The following HGSNAT variants were observed in gnomAD, a reference collection of about 807,000 sequenced individuals.
The protein encoded by HGSNAT is transmembrane protein 76.
A neutral mutation model predicts 85.2 loss-of-function variants in HGSNAT; 59 were observed. The ratio of observed to expected loss-of-function variants is 0.69; its 90% CI spans 0.56 to 0.86. The LOEUF (loss-of-function observed/expected upper bound fraction) is 0.86. Ranked by LOEUF, HGSNAT falls within the 40% of genes least tolerant of loss-of-function variation. The probability of loss-of-function intolerance (pLI) is 0.00; values close to 1 mark genes in which losing one functional copy is unlikely to be tolerated. For missense variants in HGSNAT, 756 were observed against 777.1 expected, an observed-to-expected ratio of 0.97 and a Z score of 0.32; for synonymous variants, 321 against 304.5, an observed-to-expected ratio of 1.05 and a Z score of -0.56.
At chr8:43,140,910 C>T (rs1802503605) in intron 1 of HGSNAT, among the ~76,000 whole-genome samples, 1 of 152,308 alleles carries the variant, frequency 6.6e-6, no homozygotes, top group South Asian at 2.1e-4. Context: ...CTGGCGCCTT[C>T]CGTCTAAACA....
At chr8:43,173,627 A>G in intron 8 of HGSNAT, 86 bp from the exon 9 acceptor site, 8 of 1,387,694 alleles carry the variant, frequency 5.8e-6, no homozygotes, top group Non-Finnish European at 8.1e-6. Context: ...TACTTTCTAT[A>G]CCAGTGTGTA....
intron 14 of HGSNAT, chr8:43,196,656 C>T (rs1804737620): frequency 5.6e-6 from 4 of 709,628 alleles, no homozygotes; most frequent in Admixed American, 4.7e-5. Flanking sequence ...CCATTCTGCT[C>T]AGGAGCCTCT....
rs986060245 is a variant in HGSNAT, at chr8:43,202,673, G to A, written c.*3104G>A. ...ATACTGCCGCTGTAGATCATAAAAT[G>A]TATCTTTTCCATGGCCAACAAGGGG... On this transcript the variant is annotated 3_prime_UTR_variant, in exon 18 of 18. Transcript: ENST00000379644. 2.6e-5 allele frequency: 4 copies of A among 152,252 alleles called. No homozygotes were observed. The highest frequency in any genetic ancestry group is 3.9e-4 in the East Asian group (2 of 5,188). 9.4% of individuals were successfully genotyped at this position (152,252 alleles called of 1,614,324 possible). A position where few individuals can be genotyped will look rare whatever the true frequency, so the allele number is the denominator to read the frequency against.
intron 2 of HGSNAT, among the ~76,000 whole-genome samples, chr8:43,156,428 C>A (rs1185788114): frequency 6.6e-6 from 1 of 152,110 alleles, no homozygotes; most frequent in East Asian, 1.9e-4. Context: ...GCCTCAGCCT[C>A]CCACGTAACT....
intron 4 of HGSNAT, among the ~76,000 whole-genome samples, chr8:43,161,011 T>G (rs1220812104): frequency 6.6e-6 from 1 of 152,228 alleles, no homozygotes; most frequent in Non-Finnish European, 1.5e-5. Flanking sequence ...TCTCAGTGCC[T>G]TGTGTGAGGA....
At chr8:43,152,106 C>T (rs1802940378) in intron 2 of HGSNAT, among the ~76,000 whole-genome samples, 1 of 152,176 alleles carries the variant, frequency 6.6e-6, no homozygotes, top group African/African-American at 2.4e-5. Flanking sequence ...GCCTGACCAA[C>T]ATGGTGAAAC....
rs573637929 is a variant in HGSNAT, at chr8:43,150,244, C to T, written c.234+3181C>T. On this transcript the variant is annotated intron_variant, in intron 2 of 17. Coordinates refer to ENST00000379644, the MANE Select transcript of HGSNAT (RefSeq NM_152419.3). ...CTGGGATTACCGACGTGAGCCACCG[C>T]GCCTGGCCAACATTTAGTTTTTTAT... is the stretch of plus-strand genomic sequence containing the variant. Among the ~76,000 whole-genome samples the T allele has an allele frequency of 1.4e-4, 22 of 152,146 alleles. No homozygotes were observed. The South Asian group carries it at 3.1e-3, about 22-fold the overall frequency.
In HGSNAT at chr8:43,184,833, T is replaced by C. The variant is rs181670609; in HGVS notation, c.1128+2573T>C. On this transcript the variant is annotated intron_variant, in intron 11 of 17. Transcript: ENST00000379644. ...TTTGTATAAGGTGTAAGGAAGCGAT[T>C]CAGTTTCAGCTTTCTACATATGGCT... 5.6e-3 allele frequency among the ~76,000 whole-genome samples: 851 copies of C among 152,292 alleles called. 12 individuals are homozygous for C. The highest frequency in any genetic ancestry group is 0.02 in the African/African-American group (817 of 41,566).
rs1801394530 is a variant in HGSNAT at position 43,170,596 on chromosome 8, T to G, written c.645T>G (p.Ser215=). The G allele has an allele frequency of 6.2e-7, 1 of 1,607,348 alleles. No individual in the cohort carries two copies. The highest frequency in any genetic ancestry group is 1.3e-5 in the African/African-American group (1 of 74,844). ...CTTTTTTTCTGAAGGAGCTGGGATC[T>G]CCCAGCAGGACAGACCCTCTCGATG... ...TDRLINSELG[S]PSRTDPLDGD... Residue 215 remains serine (S), a synonymous_variant, in exon 7 of 18, where the codon TCT becomes TCG. Transcript: ENST00000379644.
chr8:43,150,328 TA>T (rs1273278088), intron 2 of HGSNAT, among the ~76,000 whole-genome samples: 3 of 151,998 alleles, frequency 2.0e-5, no homozygotes, highest in Admixed American at 6.6e-5. Flanking sequence ...AAAATATTGC[TA>T]AAAAAAGAAG....
chr8:43,149,417 G>C (rs888946796), intron 2 of HGSNAT, among the ~76,000 whole-genome samples: 23 of 152,132 alleles, frequency 1.5e-4, no homozygotes, highest in Non-Finnish European at 2.9e-4. Context: ...TAAAATTTTA[G>C]GCCGGGCGCG....
At chr8:43,197,991 A>T in intron 17 of HGSNAT, 39 bp downstream of exon 17, 11 of 1,447,690 alleles carry the variant, frequency 7.6e-6, no homozygotes, top group Non-Finnish European at 1.1e-5. Context: ...TGGGATGGTG[A>T]CCAGGAGGCA....
At chr8:43,162,782 C>T (rs985328252) in intron 5 of HGSNAT, among the ~76,000 whole-genome samples, 1 of 151,678 alleles carries the variant, frequency 6.6e-6, no homozygotes, top group Admixed American at 6.6e-5. Flanking sequence ...GTTGCCCAGG[C>T]TGGTCTTGAA....
Position 43,197,785 on chromosome 8 carries a change from C to T in HGSNAT, c.1613+43C>T, listed in dbSNP as rs749754366. 9 of 1,598,518 alleles carry T rather than the reference C, an allele frequency of 5.6e-6. No homozygotes were observed. In the South Asian group the frequency reaches 8.8e-5, roughly 16 times the overall value. ...ATGATTTTATGGATGACTGTTCATG[C>T]TGAAATTGGATTTGTTCCGTACGAG... On this transcript the variant is annotated intron_variant, in intron 16 of 17. Coordinates refer to ENST00000379644, the MANE Select transcript of HGSNAT (RefSeq NM_152419.3).
chr8:43,149,213 A>G (rs1358537265), intron 2 of HGSNAT, among the ~76,000 whole-genome samples: 1 of 152,124 alleles, frequency 6.6e-6, no homozygotes, highest in Non-Finnish European at 1.5e-5. Flanking sequence ...GAGCATGGAG[A>G]TAATTATGTC....
chr8:43,176,550 A>C (rs1418480083), intron 9 of HGSNAT, among the ~76,000 whole-genome samples: 2 of 152,110 alleles, frequency 1.3e-5, no homozygotes, highest in Admixed American at 1.3e-4. Flanking sequence ...GTTCCATATA[A>C]ATTTCAGCAT....
chr8:43,155,092 T>C (rs1355528040), intron 2 of HGSNAT, among the ~76,000 whole-genome samples: 1 of 152,212 alleles, frequency 6.6e-6, no homozygotes, highest in African/African-American at 2.4e-5. Context: ...TTTGGATCTA[T>C]ACCCAGTAGT....
rs1477599224 is a variant in HGSNAT at position 43,193,834 on chromosome 8, A to G, written c.1455A>G (p.Leu485=). Reference sequence around the variant, plus strand: ...TCAACTCCATCGTGATGGCCTTTTTAGGAGTTCAGGTATTTGTTCATTTCA... The same window carrying G: ...TCAACTCCATCGTGATGGCCTTTTTGGGAGTTCAGGTATTTGTTCATTTCA... ...GTINSIVMAF[L]GVQAGKILLY... is the part of the protein sequence containing the mutation. The change falls in exon 14 of 18, where the codon TTA becomes TTG. Residue 485 remains leucine (L), a synonymous_variant. Transcript: ENST00000379644. The G allele has an allele frequency of 1.2e-6, 2 of 1,613,548 alleles. No homozygotes were observed. Among genetic ancestry groups the G allele is most frequent in the South Asian group, 2.2e-5 (2 of 91,074 alleles).
At chr8:43,169,272 C>G in intron 6 of HGSNAT, 30 bp downstream of exon 6, 22 of 1,402,502 alleles carry the variant, frequency 1.6e-5, no homozygotes, top group Non-Finnish European at 2.1e-5. Flanking sequence ...GTGTATTGCC[C>G]AGGTGGTTTT....
Sources: allele counts gnomAD v4.1 joint callset (sites outside exome capture counted in the v4.1 genomes callset), GRCh38; gene constraint gnomAD v4.1.1; transcripts MANE v1.5; gene names NCBI Gene and HGNC (gene_info 2026-07-23, HGNC 2026-07-21).